Variants in PTPRT observed in about 807,000 individuals in gnomAD.
PTPRT encodes receptor-type tyrosine-protein phosphatase T.
PTPRT carries 56 observed loss-of-function variants against 176.8 expected under a neutral mutation model. The observed-to-expected ratio is 0.32, with a 90% confidence interval of 0.26 to 0.40. PTPRT has a LOEUF of 0.40. PTPRT is among the 10% of genes least tolerant of loss of function. PTPRT has a pLI of 1.00. For synonymous variants in PTPRT, 783 were observed against 739.0 expected (o/e 1.06, Z -0.96); for missense variants, 1,540 against 1,908.2 (o/e 0.81, Z 3.60).
chr20:42,350,954 T>C (rs1279667158), intron 10 of PTPRT, among the ~76,000 whole-genome samples: 1 of 152,216 alleles, frequency 6.6e-6, no homozygotes, highest in African/African-American at 2.4e-5. Context: ...AGGGTAGCAA[T>C]GATCTGTCGA....
chr20:42,381,560 T>C (rs775510591), intron 9 of PTPRT, among the ~76,000 whole-genome samples: 17 of 152,114 alleles, frequency 1.1e-4, no homozygotes, highest in Non-Finnish European at 2.2e-4. Context: ...GTTTAACTTT[T>C]GAGATTTGGG....
chr20:42,704,932 G>A (rs552800491), intron 6 of PTPRT, among the ~76,000 whole-genome samples: 11 of 152,232 alleles, frequency 7.2e-5, no homozygotes, highest in East Asian at 3.9e-4. Context: ...GCGGCCGGGC[G>A]TGGTGGCTCA....
At chr20:43,070,491 T>C (rs2011165795) in intron 1 of PTPRT, among the ~76,000 whole-genome samples, 1 of 152,148 alleles carries the variant, frequency 6.6e-6, no homozygotes. Flanking sequence ...ACCCAAAGGA[T>C]TACAAATCAT....
chr20:42,468,741 A>C lies in PTPRT; in HGVS notation c.1450+3525T>G, dbSNP rs62204872. Among the ~76,000 whole-genome samples, 1,297 of 152,294 alleles carry C rather than the reference A, an allele frequency of 8.5e-3. 11 individuals carry two copies. Among genetic ancestry groups the C allele is most frequent in the Middle Eastern group, 0.014 (4 of 294 alleles). ...AAAGAGCAGCTCAAGGTGGGCAAAG[A>C]ATCTTTAAAAAGGTGCCCTGAGCTG... is the stretch of plus-strand genomic sequence containing the variant. On this transcript the variant is annotated intron_variant, in intron 8 of 30. Transcript: ENST00000373187.
intron 7 of PTPRT, among the ~76,000 whole-genome samples, chr20:42,609,346 T>C (rs892503060): frequency 2.6e-5 from 4 of 152,148 alleles, no homozygotes; most frequent in African/African-American, 7.2e-5. Context: ...AGTGCTGGGA[T>C]TGCAGACTTG....
intron 1 of PTPRT, among the ~76,000 whole-genome samples, chr20:43,157,070 G>A (rs2014542789): frequency 6.6e-6 from 1 of 152,140 alleles, no homozygotes; most frequent in Non-Finnish European, 1.5e-5. Context: ...AAAAGACACA[G>A]GCTGGGCACG....
intron 11 of PTPRT, among the ~76,000 whole-genome samples, chr20:42,339,269 C>T (rs1234414861): frequency 6.6e-6 from 1 of 152,186 alleles, no homozygotes; most frequent in Non-Finnish European, 1.5e-5. Flanking sequence ...TGCAACAACA[C>T]AACATGAATT....
chr20:42,400,392 G>A (rs930725711), intron 9 of PTPRT, among the ~76,000 whole-genome samples: 3 of 152,206 alleles, frequency 2.0e-5, no homozygotes, highest in East Asian at 1.9e-4. Flanking sequence ...AGGGAGATGA[G>A]TCTGTTATAA....
chr20:42,297,443 T>C (rs1336763966), intron 12 of PTPRT, among the ~76,000 whole-genome samples: 1 of 152,162 alleles, frequency 6.6e-6, no homozygotes, highest in Non-Finnish European at 1.5e-5. Context: ...TAATTCAACA[T>C]CTTAAAGATG....
chr20:42,109,531 A>G (rs1038107258), intron 23 of PTPRT, among the ~76,000 whole-genome samples: 1 of 152,168 alleles, frequency 6.6e-6, no homozygotes, highest in African/African-American at 2.4e-5. Context: ...ATTTCTCTCT[A>G]TGAGGGACCC....
At chr20:42,668,932 G>A (rs1286855238) in intron 7 of PTPRT, among the ~76,000 whole-genome samples, 1 of 138,986 alleles carries the variant, frequency 7.2e-6, no homozygotes, top group African/African-American at 2.7e-5. Flanking sequence ...GGATGGTCTC[G>A]ATCTCCTGAC....
rs576080497 is a variant in PTPRT, at chr20:42,109,266, A to C, written c.3254+1067T>G. ...TGCCAGGGCAGGGATGTGATAACTC[A>C]AGCATCCAGGGTCTGAAAAGATGGG... On this transcript the variant is annotated intron_variant, in intron 23 of 30. Coordinates refer to ENST00000373187, the MANE Select transcript of PTPRT (RefSeq NM_007050.6). Among the ~76,000 whole-genome samples, 4 of 151,874 alleles carry C rather than the reference A, an allele frequency of 2.6e-5. No individual in the cohort carries two copies. In the South Asian group the frequency reaches 6.3e-4, roughly 24 times the overall value.
chr20:42,096,997 C>A (rs575340842), intron 27 of PTPRT, among the ~76,000 whole-genome samples: 1 of 152,240 alleles, frequency 6.6e-6, no homozygotes, highest in South Asian at 2.1e-4. Flanking sequence ...AGTGGTCCCA[C>A]AAAGGACTGA....
chr20:42,781,482 G>A (rs146466582), intron 3 of PTPRT, among the ~76,000 whole-genome samples: 27 of 152,026 alleles, frequency 1.8e-4, no homozygotes, highest in East Asian at 9.7e-4. Flanking sequence ...CTCTTGACCC[G>A]GACTCTTGCT....
At chr20:42,298,015 T>A in intron 12 of PTPRT, among the ~76,000 whole-genome samples, 1 of 152,150 alleles carries the variant, frequency 6.6e-6, no homozygotes. Context: ...AGAAAAAAAA[T>A]GATTCATCTG....
chr20:42,822,759 C>T (rs145066202), intron 2 of PTPRT, among the ~76,000 whole-genome samples: 309 of 152,134 alleles, frequency 2.0e-3, no homozygotes, highest in African/African-American at 7.2e-3. Context: ...ACTTCTCAAA[C>T]GAAGACATTT....
chr20:42,088,520 G>A (rs1302262451), intron 27 of PTPRT, among the ~76,000 whole-genome samples: 1 of 152,058 alleles, frequency 6.6e-6, no homozygotes, highest in Non-Finnish European at 1.5e-5. Context: ...GGAAACTCAT[G>A]TCTCCCACCT....
intron 15 of PTPRT, among the ~76,000 whole-genome samples, chr20:42,232,836 AG>A (rs1240600317): frequency 1.1e-4 from 16 of 143,852 alleles, no homozygotes; most frequent in Admixed American, 2.7e-4. Context: ...AAAAAAAAAA[AG>A]GTGAAAGGTG....
At chr20:42,204,728 G>A (rs1284807863) in intron 15 of PTPRT, among the ~76,000 whole-genome samples, 1 of 152,152 alleles carries the variant, frequency 6.6e-6, no homozygotes, top group African/African-American at 2.4e-5. Context: ...TGAGTCCTGT[G>A]ATTTGTTCTG....
Sources: allele counts gnomAD v4.1 joint callset (sites outside exome capture counted in the v4.1 genomes callset), GRCh38; gene constraint gnomAD v4.1.1; transcripts MANE v1.5; gene names NCBI Gene and HGNC (gene_info 2026-07-23, HGNC 2026-07-21).